CELF2: variants seen among roughly 807,000 people sequenced by gnomAD.
CELF2 encodes the protein CUGBP Elav-like family member 2, also known as CUG triplet repeat RNA-binding protein 2.
A neutral mutation model predicts 62.6 loss-of-function variants in CELF2; 8 were observed. That is an observed-to-expected ratio of 0.13 (90% CI 0.07 to 0.23). The LOEUF is 0.23. CELF2 is among the 10% of genes least tolerant of loss of function. The probability of loss-of-function intolerance (pLI) is 1.00; values close to 1 mark genes in which losing one functional copy is unlikely to be tolerated. For missense variants in CELF2, 333 were observed against 671.0 expected (o/e 0.50, Z 5.56); for synonymous variants, 258 against 250.0 (o/e 1.03, Z -0.30).
intron 1 of CELF2, among the ~76,000 whole-genome samples, chr10:11,137,646 C>T (rs2060642118): frequency 6.6e-6 from 1 of 152,216 alleles, no homozygotes; most frequent in African/African-American, 2.4e-5. Context: ...TATTGACTCT[C>T]ATTACATCAT....
chr10:11,152,471 T>C (rs560982562), intron 1 of CELF2, among the ~76,000 whole-genome samples: 255 of 152,212 alleles, frequency 1.7e-3, no homozygotes, highest in Non-Finnish European at 3.2e-3. Flanking sequence ...AGGTGTCAGA[T>C]AGCATCAGCT....
At chr10:11,021,568 G>A (rs1418485590) in intron 1 of CELF2, among the ~76,000 whole-genome samples, 2 of 152,168 alleles carry the variant, frequency 1.3e-5, no homozygotes, top group Non-Finnish European at 2.9e-5. Context: ...CCCAAAATAA[G>A]GAAACGTGAG....
chr10:10,509,190 G>A, the CELF2 span, among the ~76,000 whole-genome samples: 1 of 152,138 alleles, frequency 6.6e-6, no homozygotes, highest in Admixed American at 6.5e-5. Context: ...GGATCATAAT[G>A]TGGATGTAAA....
the CELF2 span, among the ~76,000 whole-genome samples, chr10:10,713,717 T>C: frequency 6.6e-6 from 1 of 152,150 alleles, no homozygotes; most frequent in Non-Finnish European, 1.5e-5. Flanking sequence ...CTGTTGTAAA[T>C]GACTTGAACT....
chr10:10,894,870 A>G (rs2062426293), intron 1 of CELF2, among the ~76,000 whole-genome samples: 1 of 152,178 alleles, frequency 6.6e-6, no homozygotes, highest in Admixed American at 6.5e-5. Context: ...ATGTCTGTCC[A>G]TTTAAAAATC....
chr10:10,527,057 A>G, the CELF2 span, among the ~76,000 whole-genome samples: 1 of 152,238 alleles, frequency 6.6e-6, no homozygotes, highest in South Asian at 2.1e-4. Context: ...ACACATGAAA[A>G]AGGGTTAATA....
At chr10:10,566,292 C>T in the CELF2 span, among the ~76,000 whole-genome samples, 1 of 151,790 alleles carries the variant, frequency 6.6e-6, no homozygotes, top group South Asian at 2.1e-4. Context: ...CATTCACTTC[C>T]ACAGCAAACA....
At chr10:10,886,680 T>TA (rs1283359371) in intron 1 of CELF2, among the ~76,000 whole-genome samples, 1 of 151,806 alleles carries the variant, frequency 6.6e-6, no homozygotes, top group Non-Finnish European at 1.5e-5. Context: ...CTGCAAAAAA[T>TA]AAAAAATTAG....
chr10:10,686,707 CGTG>C, the CELF2 span, among the ~76,000 whole-genome samples: 37 of 152,270 alleles, frequency 2.4e-4, no homozygotes, highest in African/African-American at 6.5e-4. Context: ...CCGCCATGAT[CGTG>C]AGTTGCCTGA....
At chr10:10,843,825 C>G (rs1156342592) in intron 1 of CELF2, among the ~76,000 whole-genome samples, 1 of 151,912 alleles carries the variant, frequency 6.6e-6, no homozygotes, top group Admixed American at 6.6e-5. Context: ...CTGAATCTGT[C>G]CCAGTTGTCT....
At position 10,931,104 on chromosome 10, in the gene CELF2, C is replaced by T. The variant is rs781757688; in HGVS notation, c.89+11105C>T. ...CATAGATAGTTTTAAACCCTGTAAA[C>T]CTTTCTTTTCGGATTAGGTTTTGTA... On this transcript the variant is annotated intron_variant, in intron 2 of 13. Coordinates refer to the CELF2 transcript ENST00000636488. This position sits in a 1 kb window ranked among gnomAD's most constrained non-coding sequence, Gnocchi z 6.1. Among the ~76,000 whole-genome samples, 1 of 152,174 alleles carries T rather than the reference C, an allele frequency of 6.6e-6. No homozygotes were observed. Among genetic ancestry groups the T allele is most frequent in the Non-Finnish European group, 1.5e-5 (1 of 68,036 alleles).
At chr10:10,924,376 G>GA (rs1458852714) in intron 2 of CELF2, among the ~76,000 whole-genome samples, 1 of 137,696 alleles carries the variant, frequency 7.3e-6, no homozygotes, top group Non-Finnish European at 1.6e-5. Context: ...TGCTGTTTTT[G>GA]AAAAAAAGGG....
the CELF2 span, among the ~76,000 whole-genome samples, chr10:10,662,039 G>T: frequency 2.5e-4 from 38 of 152,126 alleles, no homozygotes; most frequent in South Asian, 4.2e-3. Context: ...AGAGTTGCGG[G>T]GGGTGGAGGT....
intron 2 of CELF2, among the ~76,000 whole-genome samples, chr10:11,201,380 C>G (rs868063797): frequency 1.3e-5 from 2 of 152,168 alleles, no homozygotes; most frequent in Admixed American, 6.5e-5. Context: ...CCAGGCTTCT[C>G]CATCTTGTCA....
intron 1 of CELF2, among the ~76,000 whole-genome samples, chr10:11,091,497 G>A (rs2048317932): frequency 6.6e-6 from 1 of 152,164 alleles, no homozygotes; most frequent in Non-Finnish European, 1.5e-5. Context: ...CATGTGCTTT[G>A]CCTTTTCTTT....
chr10:10,711,660 TC>T, the CELF2 span, among the ~76,000 whole-genome samples: 1 of 152,128 alleles, frequency 6.6e-6, no homozygotes, highest in Non-Finnish European at 1.5e-5. Context: ...GGCAGGAAGA[TC>T]ACTTGAGGTC....
At chr10:10,912,779 T>C (rs562052757) in intron 1 of CELF2, among the ~76,000 whole-genome samples, 1 of 152,360 alleles carries the variant, frequency 6.6e-6, no homozygotes, top group Admixed American at 6.5e-5. Flanking sequence ...TCCCCTGTTG[T>C]TCACATCCTG....
At chr10:10,839,570 A>T (rs2058542296) in intron 1 of CELF2, among the ~76,000 whole-genome samples, 2 of 152,224 alleles carry the variant, frequency 1.3e-5, no homozygotes. Flanking sequence ...CCTTGGCCTT[A>T]CATATTTCAC....
At chr10:10,621,245 A>G in the CELF2 span, among the ~76,000 whole-genome samples, 1 of 121,350 alleles carries the variant, frequency 8.2e-6, no homozygotes, top group Non-Finnish European at 1.7e-5. Context: ...CTCTGACTCA[A>G]AAAAAAAAAA....
Sources: gnomAD v4.1 joint callset for allele counts (sites outside exome capture counted in the v4.1 genomes callset) on GRCh38, gnomAD v4.1.1 for gene constraint, Gnocchi (gnomAD v3.1) non-coding constraint, MANE v1.5 for transcripts, NCBI Gene and HGNC (gene_info 2026-07-23, HGNC 2026-07-21) for gene names.